The following IL1R1 variants were observed in gnomAD, a reference collection of about 807,000 sequenced individuals.
IL1R1 encodes the protein interleukin-1 receptor type 1.
Under a neutral mutation model 50.2 loss-of-function variants are expected in IL1R1, and 22 were observed. The observed-to-expected ratio is 0.44, with a 90% CI of 0.31 to 0.63. IL1R1 has a LOEUF of 0.63. Among genes scored for constraint, IL1R1 ranks in the 20% least tolerant of loss-of-function variants. IL1R1 has a pLI of 0.07. For synonymous variants in IL1R1, 251 were observed against 236.7 expected, an observed-to-expected ratio of 1.06 and a Z score of -0.55; for missense variants, 509 against 676.2, an observed-to-expected ratio of 0.75 and a Z score of 2.74.
chr2:102,121,656 T>G (rs1681414489), intron 1 of IL1R1, among the ~76,000 whole-genome samples: 1 of 152,334 alleles, frequency 6.6e-6, no homozygotes, highest in African/African-American at 2.4e-5. Context: ...TCTTGAGATG[T>G]CAAGCCCAGT....
chr2:102,094,955 G>A lies in IL1R1; in HGVS notation c.-84+24422G>A, dbSNP rs374020220. On this transcript the variant is annotated intron_variant, in intron 1 of 11. Transcript: ENST00000409929. ...TGGCCTGGGGAGGGGCAAGAGTGACGAATTACAAAGGGGCGTGAGAAAAAT... is the reference window on the plus strand; with the variant it reads ...TGGCCTGGGGAGGGGCAAGAGTGACAAATTACAAAGGGGCGTGAGAAAAAT... 3.9e-5 allele frequency among the ~76,000 whole-genome samples: 6 copies of A among 152,282 alleles called. No homozygotes were observed. The South Asian group carries it at 6.2e-4, about 16-fold the overall frequency.
chr2:102,143,021 G>A lies in IL1R1; in HGVS notation c.-84+1G>A, dbSNP rs1028714761. On this transcript the variant is annotated splice_donor_variant, in intron 1 of 11. Coordinates refer to ENST00000410023, the MANE Select transcript of IL1R1 (RefSeq NM_000877.4). LOFTEE classifies it low-confidence loss of function (5UTR_SPLICE). ...TCACCCTCCACGGCCGTCCGTCCAG[G>A]TACGGGGAAGCTGGAGCATCCGGGG... 6.6e-6 allele frequency: 1 copy of A among 152,540 alleles called. No individual in the cohort carries two copies. The highest frequency in any genetic ancestry group is 1.5e-5 in the Non-Finnish European group (1 of 68,314). The allele number at this position is 152,540 out of a possible 1,614,324, so 9.4% of individuals were successfully genotyped here.
upstream of IL1R1, chr2:102,141,904 T>A (rs1477545937): frequency 6.6e-6 from 1 of 152,272 alleles, no homozygotes; most frequent in African/African-American, 2.4e-5. Flanking sequence ...CTCCTCTCCC[T>A]GCAAGGAGCC....
chr2:102,142,624 C>G (rs1174757510), upstream of IL1R1, among the ~76,000 whole-genome samples: 5 of 151,970 alleles, frequency 3.3e-5, no homozygotes, highest in African/African-American at 2.4e-5. Context: ...GCCTGCTCCT[C>G]CGGGTGGAGA....
chr2:102,078,894 A>G (rs908875069), intron 1 of IL1R1, among the ~76,000 whole-genome samples: 4 of 152,210 alleles, frequency 2.6e-5, no homozygotes, highest in Admixed American at 1.3e-4. Flanking sequence ...ATATGCCATG[A>G]CCAAGTGGGA....
chr2:102,175,421 T>C (rs1686041340), intron 10 of IL1R1, 57 bp from the exon 11 acceptor site: 6 of 1,343,558 alleles, frequency 4.5e-6, no homozygotes, highest in Non-Finnish European at 6.4e-6. Context: ...GATACTGACT[T>C]TATCAAATCT....
At chr2:102,161,335 T>C (rs1260292692) in intron 3 of IL1R1, among the ~76,000 whole-genome samples, 9 of 152,176 alleles carry the variant, frequency 5.9e-5, no homozygotes, top group Non-Finnish European at 1.3e-4. Flanking sequence ...TACTGAGTCT[T>C]GGGTTATGGG....
At chr2:102,152,806 C>T (rs1683812202) in intron 1 of IL1R1, among the ~76,000 whole-genome samples, 1 of 152,114 alleles carries the variant, frequency 6.6e-6, no homozygotes, top group African/African-American at 2.4e-5. Context: ...GCCAACACAC[C>T]TCTGATACCT....
intron 3 of IL1R1, 53 bp downstream of exon 3, chr2:102,157,838 G>A (rs1234513871): frequency 1.7e-6 from 2 of 1,185,958 alleles, no homozygotes; most frequent in African/African-American, 3.0e-5. Context: ...CTGTTATTTA[G>A]AATACATGAA....
chr2:102,173,106 C>A (rs1685831528), intron 9 of IL1R1, among the ~76,000 whole-genome samples: 1 of 152,156 alleles, frequency 6.6e-6, no homozygotes, highest in Admixed American at 6.5e-5. Flanking sequence ...GTCACAGGAT[C>A]TATGGTACTT....
At chr2:102,157,632 G>C (rs1684316252) in intron 2 of IL1R1, 87 bp from the exon 3 acceptor site, 1 of 794,058 alleles carries the variant, frequency 1.3e-6, no homozygotes, top group African/African-American at 1.7e-5. Context: ...TGGGGACAGG[G>C]CCGGTGTTGG....
intron 1 of IL1R1, among the ~76,000 whole-genome samples, chr2:102,094,507 T>TGTAA (rs1679814522): frequency 6.6e-6 from 1 of 152,228 alleles, no homozygotes. Flanking sequence ...AATTCTGTCC[T>TGTAA]GTAAGTATTA....
chr2:102,088,742 T>C (rs1679536625), intron 1 of IL1R1, among the ~76,000 whole-genome samples: 1 of 152,236 alleles, frequency 6.6e-6, no homozygotes, highest in African/African-American at 2.4e-5. Flanking sequence ...GCAAATCTGT[T>C]GTTTAGTGTA....
chr2:102,171,883 T>C lies in IL1R1; in HGVS notation c.804T>C (p.Asp268=). ...AYWKWNGSVI[D]EDDPVLGEDY... ...GGAAGTGGAATGGGTCAGTAATTGA[T>C]GAAGATGACCCAGTGCTAGGGGAAG... Residue 268 remains aspartate (D), a synonymous_variant, in exon 8 of 12, where the codon GAT becomes GAC. Transcript: ENST00000410023. The C allele has an allele frequency of 6.2e-7, 1 of 1,606,364 alleles. No individual in the cohort carries two copies. Among genetic ancestry groups the C allele is most frequent in the Non-Finnish European group, 8.5e-7 (1 of 1,173,722 alleles).
intron 2 of IL1R1, among the ~76,000 whole-genome samples, chr2:102,157,382 C>T (rs1021724111): frequency 6.6e-6 from 1 of 152,010 alleles, no homozygotes; most frequent in Non-Finnish European, 1.5e-5. Context: ...GGGGCGAGTG[C>T]ATAGCTGACT....
intron 1 of IL1R1, among the ~76,000 whole-genome samples, chr2:102,080,752 A>G (rs1274932728): frequency 6.6e-6 from 1 of 152,246 alleles, no homozygotes; most frequent in East Asian, 1.9e-4. Context: ...AAATCTGTAC[A>G]CCAATTTTCA....
intron 2 of IL1R1, among the ~76,000 whole-genome samples, chr2:102,156,684 G>A (rs1684225746): frequency 6.6e-6 from 1 of 151,958 alleles, no homozygotes; most frequent in Non-Finnish European, 1.5e-5. Flanking sequence ...GCTAATTTTT[G>A]TACTTTTTGG....
At position 102,172,031 on chromosome 2, in the gene IL1R1, C is replaced by CTTTT. The variant is rs35265416; in HGVS notation, c.839+135_839+138dup. 519 of 88,536 alleles carry CTTTT rather than the reference C, an allele frequency of 5.9e-3. 3 individuals carry two copies. Among genetic ancestry groups the CTTTT allele is most frequent in the African/African-American group, 7.7e-3 (159 of 20,692 alleles). 5.5% of individuals were successfully genotyped at this position (88,536 alleles called of 1,614,324 possible). On this transcript the variant is annotated intron_variant, in intron 8 of 11. Transcript: ENST00000410023. ...GTTAGTTGCTCCTAACCTTTGCTGCCTTTTTTTTTTTTTTTTTTTTTTTTT... is the reference window on the plus strand; with the variant it reads ...GTTAGTTGCTCCTAACCTTTGCTGCCTTTTTTTTTTTTTTTTTTTTTTTTTTTTT...
Position 102,171,901 on chromosome 2 carries a change from A to AG in IL1R1, c.826dup (p.Glu276GlyfsTer22). On this transcript the variant is annotated frameshift_variant, in exon 8 of 12. Coordinates refer to ENST00000410023, the MANE Select transcript of IL1R1 (RefSeq NM_000877.4). LOFTEE classifies it high-confidence loss of function. ...TAATTGATGAAGATGACCCAGTGCT[A>AG]GGGGAAGACTATTACAGGTATGTAT... 6.3e-7 allele frequency: 1 copy of AG among 1,582,276 alleles called. No individual in the cohort carries two copies. Among genetic ancestry groups the AG allele is most frequent in the Non-Finnish European group, 8.7e-7 (1 of 1,154,012 alleles).
Sources: gnomAD v4.1 joint callset for allele counts (sites outside exome capture counted in the v4.1 genomes callset) on GRCh38, gnomAD v4.1.1 for gene constraint, MANE v1.5 for transcripts, NCBI Gene and HGNC (gene_info 2026-07-23, HGNC 2026-07-21) for gene names.